The following GPHN variants were observed in gnomAD, a reference collection of about 807,000 sequenced individuals.
GPHN encodes the protein gephyrin.
GPHN carries 17 observed loss-of-function variants against 95.5 expected under a neutral mutation model. That is an observed-to-expected ratio of 0.18 (90% confidence interval 0.12 to 0.27). GPHN has a LOEUF of 0.27. Among genes scored for constraint, GPHN ranks in the 10% least tolerant of loss-of-function variants. The pLI, the probability that GPHN is intolerant of heterozygous loss-of-function variation, is 1.00. For missense variants in GPHN, 660 were observed against 978.1 expected (o/e 0.67, Z 4.34); for synonymous variants, 320 against 322.5 (o/e 0.99, Z 0.08).
At chr14:67,125,214 A>C (rs1159806627) in intron 17 of GPHN, among the ~76,000 whole-genome samples, 1 of 152,048 alleles carries the variant, frequency 6.6e-6, no homozygotes, top group Admixed American at 6.5e-5. Flanking sequence ...TAGAATGCAG[A>C]GGTGGAATGT....
At chr14:67,017,499 C>A (rs555170951) in intron 9 of GPHN, among the ~76,000 whole-genome samples, 2 of 152,146 alleles carry the variant, frequency 1.3e-5, no homozygotes, top group East Asian at 3.9e-4. Flanking sequence ...GAAGTTCATT[C>A]TTTCAGAGAC....
At chr14:67,108,712 GGTGTGT>G (rs3063159) in intron 13 of GPHN, among the ~76,000 whole-genome samples, 113 of 131,206 alleles carry the variant, frequency 8.6e-4, no homozygotes, top group Middle Eastern at 3.9e-3. Context: ...TTCCCTAAGG[GGTGTGT>G]GTGTGTGTGT....
chr14:67,480,244 A>C, the GPHN span, among the ~76,000 whole-genome samples: 1 of 152,068 alleles, frequency 6.6e-6, no homozygotes, highest in Admixed American at 6.5e-5. Flanking sequence ...GGCAGCCTCC[A>C]GGCAGCCCTT....
intron 18 of GPHN, among the ~76,000 whole-genome samples, chr14:67,146,729 C>A (rs1303728787): frequency 6.6e-6 from 1 of 152,150 alleles, no homozygotes; most frequent in Non-Finnish European, 1.5e-5. Flanking sequence ...AGCCATGTAG[C>A]CTTAGAATAT....
intron 2 of GPHN, among the ~76,000 whole-genome samples, chr14:66,774,585 CAAA>C (rs2059313800): frequency 6.6e-6 from 1 of 152,048 alleles, no homozygotes; most frequent in Non-Finnish European, 1.5e-5. Context: ...TTTTTTCTCT[CAAA>C]AAGTCTTGTA....
intron 6 of GPHN, 140 bp from the exon 7 acceptor site, chr14:66,922,526 A>G (rs2066275866): frequency 7.6e-6 from 5 of 657,784 alleles, no homozygotes; most frequent in Non-Finnish European, 1.3e-5. Context: ...TATTGCTAAG[A>G]CAATGTTTTA....
the GPHN span, chr14:67,347,440 T>C: frequency 1.9e-6 from 3 of 1,607,860 alleles, no homozygotes; most frequent in Non-Finnish European, 2.6e-6. Flanking sequence ...GTTCAAATAC[T>C]GGCAAAGTAA....
chr14:67,216,379 G>GT, the GPHN span, among the ~76,000 whole-genome samples: 35 of 150,982 alleles, frequency 2.3e-4, no homozygotes, highest in African/African-American at 7.0e-4. Flanking sequence ...ATATTTTGGG[G>GT]TTTTTTTTCA....
At chr14:66,878,301 CA>C (rs1481347920) in intron 4 of GPHN, among the ~76,000 whole-genome samples, 2 of 150,586 alleles carry the variant, frequency 1.3e-5, no homozygotes, top group Non-Finnish European at 3.0e-5. Context: ...ACCATTCAAA[CA>C]TGGGCAAAGA....
At chr14:67,382,277 C>A in the GPHN span, 1 of 491,036 alleles carries the variant, frequency 2.0e-6, no homozygotes. Flanking sequence ...ACAAATCACC[C>A]CAAAACGTAA....
the GPHN span, among the ~76,000 whole-genome samples, chr14:67,408,233 C>A: frequency 6.7e-6 from 1 of 150,374 alleles, no homozygotes; most frequent in Admixed American, 6.7e-5. Flanking sequence ...TTGCAGTGAG[C>A]CGAGATTGCA....
At chr14:67,164,598 T>G (rs182108378) in intron 19 of GPHN, among the ~76,000 whole-genome samples, 241 of 152,018 alleles carry the variant, frequency 1.6e-3, no homozygotes, top group African/African-American at 5.6e-3. Flanking sequence ...TTCAAGCGAT[T>G]CTCCTGCCTC....
chr14:66,972,338 A>G (rs913394184), intron 9 of GPHN, among the ~76,000 whole-genome samples: 1 of 151,820 alleles, frequency 6.6e-6, no homozygotes, highest in Non-Finnish European at 1.5e-5. Flanking sequence ...AAAAGCAACA[A>G]ATAGTTTTTT....
the GPHN span, among the ~76,000 whole-genome samples, chr14:67,555,093 A>C: frequency 3.3e-5 from 5 of 151,966 alleles, no homozygotes; most frequent in Admixed American, 1.3e-4. Context: ...AAAAAGAAAA[A>C]TTTTAGTAGA....
At chr14:67,497,199 C>T in the GPHN span, among the ~76,000 whole-genome samples, 29 of 152,212 alleles carry the variant, frequency 1.9e-4, no homozygotes, top group Non-Finnish European at 2.9e-4. Flanking sequence ...CGGGCACACA[C>T]GAATGCCCTG....
chr14:66,680,824 G>A (rs2066892078), intron 1 of GPHN, among the ~76,000 whole-genome samples: 1 of 152,008 alleles, frequency 6.6e-6, no homozygotes. Context: ...TCTTGTAACA[G>A]TAAGAACAAC....
chr14:66,873,940 C>T (rs1193145084), intron 4 of GPHN, among the ~76,000 whole-genome samples: 4 of 152,202 alleles, frequency 2.6e-5, no homozygotes, highest in African/African-American at 9.6e-5. Context: ...GGTCCCTGAC[C>T]CCCATGCCTC....
chr14:66,818,881 T>C (rs1234194932), intron 3 of GPHN, among the ~76,000 whole-genome samples: 2 of 152,256 alleles, frequency 1.3e-5, no homozygotes, highest in African/African-American at 4.8e-5. Context: ...ATAGGACACA[T>C]GTATGTCTTC....
At chr14:67,516,381 T>C in the GPHN span, among the ~76,000 whole-genome samples, 1 of 141,806 alleles carries the variant, frequency 7.1e-6, no homozygotes, top group Non-Finnish European at 1.6e-5. Flanking sequence ...AATGGCCGCT[T>C]TTCAACCTAG....
Sources: allele counts gnomAD v4.1 joint callset (sites outside exome capture counted in the v4.1 genomes callset), GRCh38; gene constraint gnomAD v4.1.1; transcripts MANE v1.5; gene names NCBI Gene and HGNC (gene_info 2026-07-23, HGNC 2026-07-21).